The following DCP1A variants were observed in gnomAD, a reference collection of about 807,000 sequenced individuals.
DCP1A encodes the protein mRNA-decapping enzyme 1A.
A neutral mutation model predicts 58.0 loss-of-function variants in DCP1A; 20 were observed. That is an observed-to-expected ratio of 0.34 (90% CI 0.24 to 0.50). The LOEUF (loss-of-function observed/expected upper bound fraction) is 0.50. DCP1A is among the 20% of genes least tolerant of loss of function. DCP1A has a pLI of 0.98. For synonymous variants in DCP1A, 285 were observed against 275.1 expected (o/e 1.04, Z -0.36); for missense variants, 613 against 712.2 (o/e 0.86, Z 1.59).
rs373550137 is a variant in DCP1A at position 53,317,298 on chromosome 3, T to A, written c.371+2109A>T. Among the ~76,000 whole-genome samples, 6 of 152,324 alleles carry A rather than the reference T, an allele frequency of 3.9e-5. No homozygotes were observed. In the East Asian group the frequency reaches 7.7e-4, roughly 20 times the overall value. ...CTCTCGCCTCAGCCTCCCGAGTAGC[T>A]GGGATTACAGGCATGCACCACCATA... On this transcript the variant is annotated intron_variant, in intron 4 of 9. Coordinates refer to ENST00000610213, the MANE Select transcript of DCP1A (RefSeq NM_018403.7).
At position 53,335,619 on chromosome 3, in the gene DCP1A, C is replaced by T. The variant is rs893313880; in HGVS notation, c.304+6525G>A. ...ATGTTAGAGTTTATAATTCTAATCA[C>T]TCTGTCATATTTCCATTTTGTCCTT... is the stretch of plus-strand genomic sequence containing the variant. On this transcript the variant is annotated intron_variant, in intron 3 of 9. Coordinates refer to ENST00000610213, the MANE Select transcript of DCP1A (RefSeq NM_018403.7). Among the ~76,000 whole-genome samples, 7 of 152,242 alleles carry T rather than the reference C, an allele frequency of 4.6e-5. No homozygotes were observed. In the East Asian group the frequency reaches 1.3e-3, roughly 29 times the overall value.
intron 2 of DCP1A, among the ~76,000 whole-genome samples, chr3:53,344,690 G>A (rs2089270644): frequency 6.6e-6 from 1 of 152,100 alleles, no homozygotes; most frequent in Admixed American, 6.6e-5. Flanking sequence ...TTGCTAGGCT[G>A]GTAATATAAA....
chr3:53,323,905 G>A (rs1400141311), intron 3 of DCP1A, among the ~76,000 whole-genome samples: 1 of 149,838 alleles, frequency 6.7e-6, no homozygotes, highest in African/African-American at 2.5e-5. Flanking sequence ...CAACACATCA[G>A]GCTTAGAGAG....
At chr3:53,306,654 C>A (rs1553688078) in intron 5 of DCP1A, among the ~76,000 whole-genome samples, 2 of 151,262 alleles carry the variant, frequency 1.3e-5, no homozygotes, top group Non-Finnish European at 2.9e-5. Flanking sequence ...GCCTGTAGTC[C>A]CAGCTACTCG....
At chr3:53,291,673 T>C (rs1706880396) in intron 7 of DCP1A, among the ~76,000 whole-genome samples, 1 of 152,110 alleles carries the variant, frequency 6.6e-6, no homozygotes, top group African/African-American at 2.4e-5. Flanking sequence ...AAAAATCAGC[T>C]TTATTTGACC....
intron 7 of DCP1A, among the ~76,000 whole-genome samples, 151 bp from the exon 8 acceptor site, chr3:53,291,007 G>C (rs1553685916): frequency 6.6e-6 from 1 of 152,116 alleles, no homozygotes; most frequent in African/African-American, 2.4e-5. Flanking sequence ...GATTCCCAAG[G>C]GAAGAGTCTG....
intron 3 of DCP1A, among the ~76,000 whole-genome samples, chr3:53,332,528 T>G (rs2089024348): frequency 6.6e-6 from 1 of 152,180 alleles, no homozygotes; most frequent in Non-Finnish European, 1.5e-5. Flanking sequence ...TTATGGTTGT[T>G]GTTATAGTGG....
intron 3 of DCP1A, among the ~76,000 whole-genome samples, chr3:53,324,897 TA>T (rs1234955463): frequency 9.2e-5 from 14 of 151,848 alleles, no homozygotes; most frequent in African/African-American, 3.4e-4. Flanking sequence ...AGAAAAAAGT[TA>T]GGAGGTGTGA....
At chr3:53,317,317 C>T (rs1553689359) in intron 4 of DCP1A, among the ~76,000 whole-genome samples, 1 of 152,174 alleles carries the variant, frequency 6.6e-6, no homozygotes, top group Non-Finnish European at 1.5e-5. Flanking sequence ...AGGCATGCAC[C>T]ACCATACCTG....
At chr3:53,326,469 G>C (rs548373879) in intron 3 of DCP1A, among the ~76,000 whole-genome samples, 2 of 152,310 alleles carry the variant, frequency 1.3e-5, no homozygotes, top group South Asian at 2.1e-4. Flanking sequence ...CCCAACCTCA[G>C]GGTCACGGAT....
intron 3 of DCP1A, among the ~76,000 whole-genome samples, chr3:53,338,569 GAA>G (rs1200347035): frequency 6.6e-6 from 1 of 151,684 alleles, no homozygotes. Flanking sequence ...GTTTTATAAA[GAA>G]AAACTCTTGG....
chr3:53,328,202 G>A (rs1280257919), intron 3 of DCP1A, among the ~76,000 whole-genome samples: 2 of 152,086 alleles, frequency 1.3e-5, no homozygotes, highest in African/African-American at 4.8e-5. Context: ...AGACCTGCCT[G>A]GATCCTCCAG....
At chr3:53,311,685 A>C (rs531178765) in intron 5 of DCP1A, among the ~76,000 whole-genome samples, 4 of 152,294 alleles carry the variant, frequency 2.6e-5, no homozygotes, top group Admixed American at 2.0e-4. Context: ...ATGTGGTACA[A>C]ACTATCAGAA....
At chr3:53,335,825 T>C (rs1339261626) in intron 3 of DCP1A, among the ~76,000 whole-genome samples, 1 of 152,154 alleles carries the variant, frequency 6.6e-6, no homozygotes, top group Non-Finnish European at 1.5e-5. Context: ...ATTTAATTCT[T>C]TTTTATTCTT....
intron 7 of DCP1A, 46 bp from the exon 8 acceptor site, chr3:53,290,902 A>T: frequency 6.7e-7 from 1 of 1,498,894 alleles, no homozygotes; most frequent in South Asian, 1.2e-5. Flanking sequence ...AGAAGTTTCA[A>T]TTAAGAAGAC....
intron 2 of DCP1A, 110 bp from the exon 3 acceptor site, chr3:53,342,381 T>C (rs1237054601): frequency 1.3e-5 from 11 of 839,446 alleles, no homozygotes; most frequent in African/African-American, 3.4e-5. Context: ...TAGAACATTA[T>C]ACAATATTAT....
intron 4 of DCP1A, among the ~76,000 whole-genome samples, chr3:53,316,726 T>C (rs1707826354): frequency 6.6e-6 from 1 of 151,646 alleles, no homozygotes; most frequent in Non-Finnish European, 1.5e-5. Flanking sequence ...ACTACAGGCA[T>C]GAGCCACTGT....
At chr3:53,343,356 C>G (rs1553692806) in intron 2 of DCP1A, among the ~76,000 whole-genome samples, 1 of 152,142 alleles carries the variant, frequency 6.6e-6, no homozygotes, top group African/African-American at 2.4e-5. Flanking sequence ...CTCACATTTT[C>G]CAAACACAGT....
intron 7 of DCP1A, 54 bp from the exon 8 acceptor site, chr3:53,290,910 G>T: frequency 6.9e-7 from 1 of 1,444,244 alleles, no homozygotes; most frequent in South Asian, 1.2e-5. Context: ...CAATTAAGAA[G>T]ACTTCCTAGT....
Sources: gnomAD v4.1 joint callset for allele counts (sites outside exome capture counted in the v4.1 genomes callset) on GRCh38, gnomAD v4.1.1 for gene constraint, MANE v1.5 for transcripts, NCBI Gene and HGNC (gene_info 2026-07-23, HGNC 2026-07-21) for gene names.